The following PELP1 variants were observed in gnomAD, a reference collection of about 807,000 sequenced individuals.
The protein encoded by PELP1 is proline, glutamate and leucine rich protein 1, also known as proline-, glutamic acid- and leucine-rich protein 1.
A neutral mutation model predicts 95.5 loss-of-function variants in PELP1; 32 were observed. The ratio of observed to expected loss-of-function variants is 0.34; its 90% CI spans 0.25 to 0.45. The LOEUF is 0.45. PELP1 is among the 20% of genes least tolerant of loss of function. PELP1 has a pLI of 1.00. For missense variants in PELP1, 1,358 were observed against 1,444.8 expected, an observed-to-expected ratio of 0.94 and a Z score of 0.97; for synonymous variants, 668 against 600.1, an observed-to-expected ratio of 1.11 and a Z score of -1.65.
chr17:4,695,172 A>G (rs1259286242), intron 1 of PELP1, among the ~76,000 whole-genome samples: 1 of 151,012 alleles, frequency 6.6e-6, no homozygotes, highest in Non-Finnish European at 1.5e-5. Flanking sequence ...AAATACAAAA[A>G]TTAGCCGGAC....
Position 4,670,566 on chromosome 17 carries a change from T to C in PELP1, c.*873A>G, listed in dbSNP as rs1259233105. On this transcript the variant is annotated 3_prime_UTR_variant, in exon 17 of 17. Coordinates refer to ENST00000572293, the MANE Select transcript of PELP1 (RefSeq NM_014389.3). ...GGTGAAACCCCACCTCTACTAAAAATACAAAAATTAGCCAGGCAGTGGCAG... is the reference window on the plus strand; with the variant it reads ...GGTGAAACCCCACCTCTACTAAAAACACAAAAATTAGCCAGGCAGTGGCAG... 6.6e-6 allele frequency: 1 copy of C among 151,942 alleles called. No homozygotes were observed. Among genetic ancestry groups the C allele is most frequent in the African/African-American group, 2.4e-5 (1 of 41,356 alleles). The allele number at this position is 151,942 out of a possible 1,614,324, so 9.4% of individuals were successfully genotyped here. A position where few individuals can be genotyped will look rare whatever the true frequency, so the allele number is the denominator to read the frequency against.
chr17:4,689,165 A>C (rs1371383740), intron 3 of PELP1, among the ~76,000 whole-genome samples: 2 of 152,150 alleles, frequency 1.3e-5, no homozygotes, highest in Non-Finnish European at 2.9e-5. Flanking sequence ...AAACTGGATC[A>C]CTCTCACCTT....
Position 4,672,207 on chromosome 17 carries a change from TTCC to T in PELP1, c.2781_2783del (p.Glu930del), listed in dbSNP as rs536642900. 1.0e-3 allele frequency: 1,561 copies of T among 1,552,560 alleles called. No homozygotes were observed. Among genetic ancestry groups the T allele is most frequent in the Middle Eastern group, 7.1e-3 (41 of 5,784 alleles). On this transcript the variant is annotated inframe_deletion, in exon 16 of 17. Transcript: ENST00000572293. ...CCTCAAATTCTTCCTCAAACTCTTC[TTCC>T]TCCTCTTCTTCCTCTTCAAAATATT...
chr17:4,677,565 C>T (rs191080186), intron 5 of PELP1, among the ~76,000 whole-genome samples: 1 of 152,340 alleles, frequency 6.6e-6, no homozygotes, highest in East Asian at 1.9e-4. Flanking sequence ...ATATCATTCA[C>T]ATGCATCACT....
intron 3 of PELP1, among the ~76,000 whole-genome samples, chr17:4,689,235 A>C (rs1487289190): frequency 6.6e-6 from 1 of 152,248 alleles, no homozygotes; most frequent in Non-Finnish European, 1.5e-5. Context: ...AACCATAACA[A>C]TTCTAGAAGA....
At chr17:4,682,252 G>A (rs898208566) in intron 5 of PELP1, among the ~76,000 whole-genome samples, 1 of 152,218 alleles carries the variant, frequency 6.6e-6, no homozygotes, top group Admixed American at 6.5e-5. Flanking sequence ...ATGGTTCAGA[G>A]TCTGGCTTAG....
chr17:4,686,674 T>C (rs1912919922), intron 3 of PELP1, among the ~76,000 whole-genome samples: 1 of 152,066 alleles, frequency 6.6e-6, no homozygotes, highest in South Asian at 2.1e-4. Flanking sequence ...CCTGCCACCA[T>C]GCCTGGCTAA....
rs575889832 is a variant in PELP1 at position 4,679,416 on chromosome 17, A to C, written c.643-2604T>G. Among the ~76,000 whole-genome samples, 3 of 152,248 alleles carry C rather than the reference A, an allele frequency of 2.0e-5. No homozygotes were observed. In the South Asian group the frequency reaches 6.2e-4, roughly 32 times the overall value. On this transcript the variant is annotated intron_variant, in intron 5 of 16. Coordinates refer to ENST00000572293, the MANE Select transcript of PELP1 (RefSeq NM_014389.3). ...CAGATAAATTCTCCTGACTACTCAC[A>C]CTGAAAATAAAAAAGCAACAGCAGA...
intron 1 of PELP1, among the ~76,000 whole-genome samples, chr17:4,699,227 A>G (rs767732740): frequency 4.6e-5 from 7 of 152,088 alleles, no homozygotes; most frequent in Admixed American, 6.6e-5. Flanking sequence ...AAAATACAAA[A>G]AAATAGCCGG....
chr17:4,672,776 T>G lies in PELP1; in HGVS notation c.2215A>C (p.Ile739Leu), dbSNP rs1220084342. 1 of 1,613,702 alleles carries G rather than the reference T, an allele frequency of 6.2e-7. No homozygotes were observed. The highest frequency in any genetic ancestry group is 2.2e-5 in the East Asian group (1 of 44,874). The change falls in exon 16 of 17, where the codon ATC becomes CTC. Residue 739 changes from isoleucine (I) to leucine (L), a missense_variant. By Grantham distance (5) the Ile-to-Leu change is conservative. Coordinates refer to ENST00000572293, the MANE Select transcript of PELP1 (RefSeq NM_014389.3). The part of the protein sequence containing the change: ...NHRAGSNEDP[I>L]LAPSGTPPPT... ...GGGGGAGTCCCACTAGGGGCAAGGATGGGGTCCTCATTTGAGCCTGCCCGG... is the reference window on the plus strand; with the variant it reads ...GGGGGAGTCCCACTAGGGGCAAGGAGGGGGTCCTCATTTGAGCCTGCCCGG...
intron 5 of PELP1, 76 bp from the exon 6 acceptor site, chr17:4,676,888 A>G: frequency 9.0e-7 from 1 of 1,105,818 alleles, no homozygotes; most frequent in South Asian, 1.3e-5. Context: ...ATCCGTTCCC[A>G]GCAGCAGACT....
chr17:4,703,940 G>T lies in PELP1; in HGVS notation c.172C>A (p.Pro58Thr). 2 of 1,613,616 alleles carry T rather than the reference G, an allele frequency of 1.2e-6. No homozygotes were observed. Among genetic ancestry groups the T allele is most frequent in the Non-Finnish European group, 1.7e-6 (2 of 1,179,748 alleles). Residue 58 changes from proline to threonine, a missense_variant, in exon 1 of 17, where the codon CCC (proline) becomes ACC (threonine). Pro to Thr is a conservative substitution (Grantham distance 38). Around this residue, in one of 7 missense-constraint regions of PELP1, gnomAD observed 169 missense variants for 134.9 expected, o/e 1.25. Coordinates refer to ENST00000572293, the MANE Select transcript of PELP1 (RefSeq NM_014389.3). ...RTGSAVAPVH[P>T]PNRSAPHLPG... Reference sequence around the variant, plus strand: ...AAATGTGGGGCCGAGCGGTTTGGGGGATGCACCGGAGCAACGGCAGACCCC... The same window carrying T: ...AAATGTGGGGCCGAGCGGTTTGGGGTATGCACCGGAGCAACGGCAGACCCC...
chr17:4,686,501 G>T (rs1912913981), intron 3 of PELP1, among the ~76,000 whole-genome samples: 4 of 152,040 alleles, frequency 2.6e-5, no homozygotes. Flanking sequence ...TCCACAGGCA[G>T]CCAGAGATAT....
chr17:4,682,950 G>C lies in PELP1; in HGVS notation c.423C>G (p.Thr141=), dbSNP rs370267840. Residue 141 remains threonine, a splice_region_variant and synonymous_variant, in exon 4 of 17, where the codon ACC becomes ACG. Coordinates refer to ENST00000572293, the MANE Select transcript of PELP1 (RefSeq NM_014389.3). ...WLRSIQQVLQ[T]QDPPATMELA... ...GCTCCATTGTGGCAGGCGGGTCCTG[G>C]GTCTAAAGAAAAAAATAATGTCTCG... 7.2e-3 allele frequency: 9,869 copies of C among 1,362,634 alleles called. 58 individuals are homozygous for C. The highest frequency in any genetic ancestry group is 0.02 in the Middle Eastern group (105 of 5,318). The allele number at this position is 1,362,634 out of a possible 1,614,324, so 84.4% of individuals were successfully genotyped here.
chr17:4,675,174 G>A lies in PELP1; in HGVS notation c.1179C>T (p.Arg393=). The change falls in exon 11 of 17, where the codon CGC becomes CGT. Residue 393 remains arginine (R), a synonymous_variant. Coordinates refer to ENST00000572293, the MANE Select transcript of PELP1 (RefSeq NM_014389.3). The surrounding 1 kb of genome is among the most constrained non-coding windows in gnomAD (Gnocchi z 4.3). ...GCAGGCGGCCGATCAGGATCCCAAA[G>A]CGCAAGAGCCGGCTTCCACACCTGG... ...LILACGSRLL[R]FGILIGRLLP... 6.2e-7 allele frequency: 1 copy of A among 1,613,790 alleles called. No individual in the cohort carries two copies. The highest frequency in any genetic ancestry group is 8.5e-7 in the Non-Finnish European group (1 of 1,179,840).
In PELP1 at chr17:4,690,987, C is replaced by T. The variant is rs768272019; in HGVS notation, c.321G>A (p.Glu107=). ...ARLSSIKTRF[E]GLCLLSLLVG... is the part of the protein sequence containing the mutation. ...CCAGCAGGGACAGCAGACACAGGCC[C>T]TCAAACCTTCAAAGAAAGAAGAGAG... The change falls in exon 3 of 17, where the codon GAG becomes GAA. Residue 107 remains glutamate, a synonymous_variant. Transcript: ENST00000572293. The T allele has an allele frequency of 3.7e-6, 6 of 1,610,910 alleles. No homozygotes were observed. Among genetic ancestry groups the T allele is most frequent in the Non-Finnish European group, 3.4e-6 (4 of 1,177,176 alleles).
intron 1 of PELP1, chr17:4,691,672 T>A: frequency 1.8e-6 from 1 of 547,072 alleles, no homozygotes; most frequent in Non-Finnish European, 3.3e-6. Context: ...CTTCCCTCCA[T>A]GCCCCACCCA....
At chr17:4,683,001 A>G in intron 3 of PELP1, 49 bp from the exon 4 acceptor site, 1 of 1,416,240 alleles carries the variant, frequency 7.1e-7, no homozygotes, top group Non-Finnish European at 9.3e-7. Flanking sequence ...CTTGATTGTC[A>G]CCAAAGAGCA....
Position 4,673,717 on chromosome 17 carries a change from A to G in PELP1, c.1583-43T>C, listed in dbSNP as rs1315204247. On this transcript the variant is annotated intron_variant, in intron 13 of 16. Coordinates refer to ENST00000572293, the MANE Select transcript of PELP1 (RefSeq NM_014389.3). The surrounding 1 kb of genome is among the most constrained non-coding windows in gnomAD (Gnocchi z 5.7). ...TGTGTAAAGGGTAGGCTCCCAACAG[A>G]CTGACGGCAAGGGCTTCTGAAGCAT... 3 of 1,567,222 alleles carry G rather than the reference A, an allele frequency of 1.9e-6. No homozygotes were observed. Among genetic ancestry groups the G allele is most frequent in the South Asian group, 2.2e-5 (2 of 90,170 alleles).
Sources: allele counts gnomAD v4.1 joint callset (sites outside exome capture counted in the v4.1 genomes callset), GRCh38; gene constraint gnomAD v4.1.1; regional missense constraint gnomAD v4.1.1; non-coding constraint Gnocchi (gnomAD v3.1); transcripts MANE v1.5; gene names NCBI Gene and HGNC (gene_info 2026-07-23, HGNC 2026-07-21).